Variants in PATJ observed in about 807,000 individuals in gnomAD.
The protein encoded by PATJ is inaD-like protein.
Under a neutral mutation model 224.9 loss-of-function variants are expected in PATJ, and 190 were observed. The observed-to-expected ratio is 0.84, with a 90% confidence interval of 0.75 to 0.95. The LOEUF is 0.95. Ranked by LOEUF, PATJ falls within the 40% of genes least tolerant of loss-of-function variation. The probability of loss-of-function intolerance (pLI) is 0.00; values close to 1 mark genes in which losing one functional copy is unlikely to be tolerated. For synonymous variants in PATJ, 769 were observed against 820.3 expected, an observed-to-expected ratio of 0.94 and a Z score of 1.07; for missense variants, 2,121 against 2,270.3, an observed-to-expected ratio of 0.93 and a Z score of 1.34.
At chr1:62,049,287 T>A (rs1474567493) in intron 30 of PATJ, among the ~76,000 whole-genome samples, 2 of 85,510 alleles carry the variant, frequency 2.3e-5, no homozygotes, top group African/African-American at 1.4e-4. Context: ...ACACAGAGTA[T>A]TTTTTTTTCT....
chr1:61,824,794 A>G (rs537518195), intron 15 of PATJ, among the ~76,000 whole-genome samples: 58 of 152,194 alleles, frequency 3.8e-4, no homozygotes, highest in Non-Finnish European at 7.9e-4. Flanking sequence ...TGTGGTAGGC[A>G]CTAAAGAAAT....
At chr1:61,954,531 AGAGAGG>A (rs1333637851) in intron 27 of PATJ, among the ~76,000 whole-genome samples, 1 of 152,172 alleles carries the variant, frequency 6.6e-6, no homozygotes, top group Non-Finnish European at 1.5e-5. Context: ...TGTTGAACAA[AGAGAGG>A]GCATTGTTAT....
At chr1:62,127,738 C>T (rs149276959) in intron 39 of PATJ, among the ~76,000 whole-genome samples, 4,619 of 151,990 alleles carry the variant, frequency 0.03, 254 homozygotes, top group African/African-American at 0.11. Flanking sequence ...ACCTGGGAGG[C>T]GGAAGTTGCA....
intron 27 of PATJ, among the ~76,000 whole-genome samples, chr1:61,975,100 A>G (rs1236366226): frequency 6.6e-6 from 1 of 151,894 alleles, no homozygotes; most frequent in East Asian, 1.9e-4. Flanking sequence ...ATGAGCCACC[A>G]CACCTGGCTA....
At chr1:61,979,631 G>A (rs1213254669) in intron 27 of PATJ, among the ~76,000 whole-genome samples, 1 of 144,206 alleles carries the variant, frequency 6.9e-6, no homozygotes, top group Non-Finnish European at 1.5e-5. Context: ...CCAGCCTGGC[G>A]ACAGAGGGAG....
At chr1:61,952,833 T>C (rs1047836314) in intron 27 of PATJ, among the ~76,000 whole-genome samples, 1 of 152,268 alleles carries the variant, frequency 6.6e-6, no homozygotes, top group Non-Finnish European at 1.5e-5. Flanking sequence ...AGACTATTTA[T>C]GTTAGAACTA....
chr1:61,844,758 G>C (rs1291658424), intron 17 of PATJ, among the ~76,000 whole-genome samples: 1 of 152,072 alleles, frequency 6.6e-6, no homozygotes, highest in Middle Eastern at 3.2e-3. Flanking sequence ...CATGGGGATG[G>C]TTTCCCCCAT....
At chr1:61,839,538 A>G (rs1183915867) in intron 17 of PATJ, among the ~76,000 whole-genome samples, 1 of 151,968 alleles carries the variant, frequency 6.6e-6, no homozygotes, top group Non-Finnish European at 1.5e-5. Flanking sequence ...AAAAAGCTTG[A>G]AAAAAAATTA....
At chr1:62,023,428 C>T (rs945387848) in intron 29 of PATJ, among the ~76,000 whole-genome samples, 1 of 151,988 alleles carries the variant, frequency 6.6e-6, no homozygotes, top group African/African-American at 2.4e-5. Flanking sequence ...CAGGTGTTTA[C>T]AGAACACCTA....
chr1:61,986,071 A>G (rs1021968992), intron 27 of PATJ, among the ~76,000 whole-genome samples: 6 of 152,008 alleles, frequency 3.9e-5, no homozygotes, highest in African/African-American at 1.5e-4. Flanking sequence ...CCAAGGAATC[A>G]GAGATGTTAA....
chr1:61,934,362 C>A (rs962661343), intron 27 of PATJ, among the ~76,000 whole-genome samples: 1 of 152,226 alleles, frequency 6.6e-6, no homozygotes, highest in Admixed American at 6.5e-5. Flanking sequence ...AGGTGATCCG[C>A]CTGCTTTGGC....
At chr1:62,148,880 G>A (rs771308710) in intron 42 of PATJ, among the ~76,000 whole-genome samples, 17 of 152,056 alleles carry the variant, frequency 1.1e-4, no homozygotes, top group South Asian at 8.3e-4. Flanking sequence ...TAATCCCTGC[G>A]TTTTGGGAGG....
At chr1:62,139,104 A>T (rs1052743505) in intron 41 of PATJ, among the ~76,000 whole-genome samples, 3 of 151,996 alleles carry the variant, frequency 2.0e-5, no homozygotes, top group African/African-American at 7.2e-5. Flanking sequence ...ATTTACTTTT[A>T]AAAAAGAGCA....
chr1:62,067,123 C>CTTTTTTTTTTTTTTTTTT (rs11381578), intron 31 of PATJ, among the ~76,000 whole-genome samples: 2 of 116,474 alleles, frequency 1.7e-5, no homozygotes, highest in Non-Finnish European at 3.5e-5. Flanking sequence ...CCTATTCTTT[C>CTTTTTTTTTTTTTTTTTT]TTTTTTTTTT....
In PATJ at chr1:62,162,582, G is replaced by C. The variant is rs1324451177; in HGVS notation, c.*1528G>C. On this transcript the variant is annotated 3_prime_UTR_variant, in exon 44 of 44. Coordinates refer to ENST00000642238, the MANE Select transcript of PATJ (RefSeq NM_001350145.3). Reference sequence around the variant, plus strand: ...AAGAATACCTTTAAGTTGATTATTGGCAATCTTATTCATATATTAGCAAGA... The same window carrying C: ...AAGAATACCTTTAAGTTGATTATTGCCAATCTTATTCATATATTAGCAAGA... 2.0e-5 allele frequency: 3 copies of C among 152,178 alleles called. No individual in the cohort carries two copies. Among genetic ancestry groups the C allele is most frequent in the African/African-American group, 7.2e-5 (3 of 41,430 alleles). The allele number at this position is 152,178 out of a possible 1,614,324, so 9.4% of individuals were successfully genotyped here. A position where few individuals can be genotyped will look rare whatever the true frequency, so the allele number is the denominator to read the frequency against.
intron 1 of PATJ, among the ~76,000 whole-genome samples, chr1:61,750,028 G>C (rs944482422): frequency 6.6e-6 from 1 of 152,202 alleles, no homozygotes; most frequent in African/African-American, 2.4e-5. Flanking sequence ...ACAGTATGAT[G>C]TAATTTATAT....
At chr1:62,025,105 T>C (rs192952082) in intron 29 of PATJ, among the ~76,000 whole-genome samples, 12 of 152,330 alleles carry the variant, frequency 7.9e-5, no homozygotes, top group Non-Finnish European at 1.3e-4. Flanking sequence ...CAAAGAATCT[T>C]AATGAACAGA....
chr1:61,906,673 C>G (rs1302122090), intron 24 of PATJ, among the ~76,000 whole-genome samples: 1 of 152,128 alleles, frequency 6.6e-6, no homozygotes, highest in African/African-American at 2.4e-5. Context: ...TACTGTTGAT[C>G]CTCTTTCCTT....
intron 7 of PATJ, 71 bp from the exon 8 acceptor site, chr1:61,787,681 GTC>G (rs1648844399): frequency 1.7e-6 from 2 of 1,161,776 alleles, no homozygotes; most frequent in Non-Finnish European, 2.5e-6. Context: ...AGAGCTGAAA[GTC>G]TGATGAATTG....
Sources: allele counts gnomAD v4.1 joint callset (sites outside exome capture counted in the v4.1 genomes callset), GRCh38; gene constraint gnomAD v4.1.1; transcripts MANE v1.5; gene names NCBI Gene and HGNC (gene_info 2026-07-23, HGNC 2026-07-21).